The following GALNT6 variants were observed in gnomAD, a reference collection of about 807,000 sequenced individuals.
The protein encoded by GALNT6 is GalNAc transferase 6.
GALNT6 carries 51 observed loss-of-function variants against 65.9 expected under a neutral mutation model. That is an observed-to-expected ratio of 0.77 (90% confidence interval 0.62 to 0.98). GALNT6 has a LOEUF of 0.98. GALNT6 is among the 50% of genes least tolerant of loss of function. The pLI is 0.00. For missense variants in GALNT6, 708 were observed against 803.3 expected, an observed-to-expected ratio of 0.88 and a Z score of 1.43; for synonymous variants, 323 against 315.1, an observed-to-expected ratio of 1.02 and a Z score of -0.26.
chr12:51,389,358 C>T (rs961030577), intron 2 of GALNT6, among the ~76,000 whole-genome samples: 4 of 152,206 alleles, frequency 2.6e-5, no homozygotes, highest in Admixed American at 6.5e-5. Flanking sequence ...GTTATCTTCT[C>T]TGTTTTACAC....
intron 10 of GALNT6, among the ~76,000 whole-genome samples, chr12:51,356,895 C>G (rs577425923): frequency 4.6e-5 from 7 of 152,130 alleles, no homozygotes; most frequent in Non-Finnish European, 1.0e-4. Flanking sequence ...GTGACCCACA[C>G]CACTCCTTTC....
chr12:51,373,382 G>A (rs756769699), intron 4 of GALNT6, among the ~76,000 whole-genome samples: 2 of 152,152 alleles, frequency 1.3e-5, no homozygotes, highest in Non-Finnish European at 2.9e-5. Flanking sequence ...AAGTTCTCAC[G>A]AAATCTGATG....
intron 4 of GALNT6, among the ~76,000 whole-genome samples, chr12:51,375,849 G>T (rs1236373140): frequency 6.6e-6 from 1 of 151,814 alleles, no homozygotes; most frequent in Admixed American, 6.6e-5. Flanking sequence ...GAGCCACCAC[G>T]CCCAGTCCTT....
chr12:51,361,665 G>T (rs10876164), intron 6 of GALNT6, among the ~76,000 whole-genome samples: 44,655 of 151,990 alleles, frequency 0.29, 7,003 homozygotes, highest in African/African-American at 0.4. Context: ...AGGTTGCTTC[G>T]AAGAGGGACT....
intron 2 of GALNT6, among the ~76,000 whole-genome samples, chr12:51,384,302 C>G (rs1048493261): frequency 2.0e-5 from 3 of 152,198 alleles, no homozygotes; most frequent in Admixed American, 2.0e-4. Context: ...GAGGCTTTAC[C>G]CAGCCCAGCT....
intron 2 of GALNT6, among the ~76,000 whole-genome samples, chr12:51,390,227 A>T (rs1022039910): frequency 7.5e-6 from 1 of 134,054 alleles, no homozygotes; most frequent in East Asian, 2.2e-4. Flanking sequence ...CAATGGTGCG[A>T]TCTCAGCTCA....
intron 4 of GALNT6, among the ~76,000 whole-genome samples, chr12:51,372,828 C>A (rs368246912): frequency 1.3e-5 from 2 of 152,164 alleles, no homozygotes; most frequent in Non-Finnish European, 1.5e-5. Flanking sequence ...CAGTTTAGAA[C>A]CCCCACGTCC....
intron 3 of GALNT6, 26 bp from the exon 4 acceptor site, chr12:51,377,393 G>T: frequency 6.2e-7 from 1 of 1,608,516 alleles, no homozygotes; most frequent in Non-Finnish European, 8.5e-7. Context: ...TACGGACAAA[G>T]TTCTCCTGGT....
rs1946697232 is a variant in GALNT6 at position 51,354,765 on chromosome 12, T to G, written c.1756-273A>C. Among the ~76,000 whole-genome samples the G allele has an allele frequency of 3.9e-5, 6 of 152,114 alleles. No homozygotes were observed. In the South Asian group the frequency reaches 1.0e-3, roughly 26 times the overall value. The stretch of plus-strand genomic sequence containing the variant: ...CTGAGAGAAAAATGCTTTCAGGGCC[T>G]CCCGCACCCCCAGATGGCCAGGCTC... On this transcript the variant is annotated intron_variant, in intron 11 of 11. Coordinates refer to ENST00000356317, the MANE Select transcript of GALNT6 (RefSeq NM_007210.4).
chr12:51,372,834 C>A (rs920231076), intron 4 of GALNT6, among the ~76,000 whole-genome samples: 1 of 152,326 alleles, frequency 6.6e-6, no homozygotes, highest in East Asian at 1.9e-4. Context: ...AGAACCCCCA[C>A]GTCCAAGGCT....
chr12:51,377,510 T>A (rs1483392443), intron 3 of GALNT6, 143 bp from the exon 4 acceptor site: 2 of 688,572 alleles, frequency 2.9e-6, no homozygotes, highest in Non-Finnish European at 5.1e-6. Flanking sequence ...TGGGAACAGC[T>A]GTTCCCTGTT....
At chr12:51,359,468 GA>G (rs940770841) in intron 7 of GALNT6, 136 bp from the exon 8 acceptor site, 57 of 597,168 alleles carry the variant, frequency 9.5e-5, no homozygotes, top group Non-Finnish European at 1.6e-4. Flanking sequence ...CTCTCCCTGG[GA>G]AAAAGGATAC....
chr12:51,360,626 A>C, intron 7 of GALNT6, 95 bp downstream of exon 7: 1 of 757,512 alleles, frequency 1.3e-6, no homozygotes, highest in Non-Finnish European at 2.4e-6. Context: ...TCAGTTCCAG[A>C]TGGGATGTCC....
At chr12:51,378,110 T>G (rs1409745860) in intron 3 of GALNT6, among the ~76,000 whole-genome samples, 1 of 152,192 alleles carries the variant, frequency 6.6e-6, no homozygotes, top group African/African-American at 2.4e-5. Context: ...TCCAGAGAGA[T>G]TCCCTGTCTT....
intron 3 of GALNT6, among the ~76,000 whole-genome samples, chr12:51,377,900 A>G (rs1347623934): frequency 1.3e-5 from 2 of 152,156 alleles, no homozygotes; most frequent in African/African-American, 2.4e-5. Flanking sequence ...TGACACCACT[A>G]TCACAGTCAA....
At chr12:51,381,345 T>C (rs1302840949) in intron 2 of GALNT6, among the ~76,000 whole-genome samples, 1 of 152,210 alleles carries the variant, frequency 6.6e-6, no homozygotes, top group Non-Finnish European at 1.5e-5. Flanking sequence ...GGGCTGGGCA[T>C]GGGCGTTCAC....
intron 3 of GALNT6, 110 bp from the exon 4 acceptor site, chr12:51,377,477 C>T: frequency 1.2e-6 from 1 of 836,864 alleles, no homozygotes; most frequent in Non-Finnish European, 2.0e-6. Flanking sequence ...CTCTGAACCA[C>T]AGCCTACATT....
intron 2 of GALNT6, among the ~76,000 whole-genome samples, chr12:51,385,978 A>T (rs1449958073): frequency 2.0e-5 from 3 of 152,136 alleles, no homozygotes; most frequent in Non-Finnish European, 4.4e-5. Context: ...GGGAATACAG[A>T]GGTGCGTGCC....
At chr12:51,368,395 G>GT (rs34661831) in intron 4 of GALNT6, among the ~76,000 whole-genome samples, 25 of 135,742 alleles carry the variant, frequency 1.8e-4, no homozygotes, top group Admixed American at 2.9e-4. Context: ...TTTTTTCCAT[G>GT]TTTTTTTTTT....
Sources: allele counts gnomAD v4.1 joint callset (sites outside exome capture counted in the v4.1 genomes callset), GRCh38; gene constraint gnomAD v4.1.1; transcripts MANE v1.5; gene names NCBI Gene and HGNC (gene_info 2026-07-23, HGNC 2026-07-21).